TAFA5: variants seen among roughly 807,000 people sequenced by gnomAD.
TAFA5 encodes the protein chemokine-like protein TAFA-5.
A neutral mutation model predicts 15.3 loss-of-function variants in TAFA5; 6 were observed. The ratio of observed to expected loss-of-function variants is 0.39; its 90% CI spans 0.21 to 0.77. The LOEUF is 0.77. TAFA5 is among the 30% of genes least tolerant of loss of function. TAFA5 has a pLI of 0.41. For missense variants in TAFA5, 161 were observed against 193.1 expected (o/e 0.83, Z 0.98); for synonymous variants, 103 against 80.7 (o/e 1.28, Z -1.48).
At chr22:48,602,166 C>A (rs1255796653) in intron 1 of TAFA5, among the ~76,000 whole-genome samples, 1 of 152,212 alleles carries the variant, frequency 6.6e-6, no homozygotes, top group African/African-American at 2.4e-5. Context: ...CCTCAAGCCC[C>A]AGGCAGTGAA....
At chr22:48,748,584 C>G (rs1414964905) in intron 3 of TAFA5, among the ~76,000 whole-genome samples, 1 of 152,224 alleles carries the variant, frequency 6.6e-6, no homozygotes, top group African/African-American at 2.4e-5. Flanking sequence ...TCCCCTCACC[C>G]CTGAGCCTCA....
rs547614986 is a variant in TAFA5 at position 48,509,723 on chromosome 22, G to A, written c.112+20019G>A. Among the ~76,000 whole-genome samples the A allele has an allele frequency of 7.7e-3, 1,171 of 152,114 alleles. 16 individuals are homozygous for A. Among genetic ancestry groups the A allele is most frequent in the African/African-American group, 0.026 (1,097 of 41,484 alleles). On this transcript the variant is annotated intron_variant, in intron 1 of 3. Transcript: ENST00000402357. ...TCCCAGCACTTTGGGAGGCTGAGGC[G>A]GGCGGATCACGAGGTCAGAAGATCG...
chr22:48,672,991 C>T (rs563277311), intron 2 of TAFA5, among the ~76,000 whole-genome samples: 5 of 152,294 alleles, frequency 3.3e-5, no homozygotes, highest in African/African-American at 9.6e-5. Context: ...CAGTGTGGAA[C>T]AGACAAAAAC....
intron 2 of TAFA5, among the ~76,000 whole-genome samples, chr22:48,682,798 C>T (rs997262124): frequency 2.0e-5 from 3 of 152,026 alleles, no homozygotes; most frequent in South Asian, 2.1e-4. Context: ...GTGCTTTCGT[C>T]GGTTTTTTTT....
rs758029970 is a variant in TAFA5, at chr22:48,576,506, C to T, written c.113-70091C>T. The T allele has an allele frequency of 1.4e-5, 21 of 1,504,126 alleles. No individual in the cohort carries two copies. The African/African-American group carries it at 2.4e-4, about 17-fold the overall frequency. The allele number at this position is 1,504,126 out of a possible 1,614,324, so 93.2% of individuals were successfully genotyped here. On this transcript the variant is annotated intron_variant, in intron 1 of 3. Transcript: ENST00000402357. ...ATGCAGCTCCTGAAGGCGCTCTGGG[C>T]ACTGGCAGGGGCCGCGCTCTGCTGC...
intron 1 of TAFA5, among the ~76,000 whole-genome samples, chr22:48,525,531 G>T (rs1921751414): frequency 6.6e-6 from 1 of 152,190 alleles, no homozygotes; most frequent in African/African-American, 2.4e-5. Flanking sequence ...CTCTGCCCAG[G>T]TGGAGGCCCT....
chr22:48,577,190 C>G (rs577753685), intron 1 of TAFA5, among the ~76,000 whole-genome samples: 50 of 152,364 alleles, frequency 3.3e-4, no homozygotes, highest in African/African-American at 1.2e-3. Flanking sequence ...CAGTCTGGGA[C>G]TATTGAGGCG....
intron 1 of TAFA5, among the ~76,000 whole-genome samples, chr22:48,502,561 T>C (rs1485849208): frequency 4.7e-5 from 7 of 147,632 alleles, no homozygotes; most frequent in African/African-American, 1.8e-4. Context: ...CGACTCTGTC[T>C]CCCAGCCTGG....
rs140295404 is a variant in TAFA5 at position 48,609,528 on chromosome 22, C to G, written c.113-37069C>G. On this transcript the variant is annotated intron_variant, in intron 1 of 3. Coordinates refer to ENST00000402357, the MANE Select transcript of TAFA5 (RefSeq NM_001082967.3). ...AGTGGGGTTGGGCCTTGGACCTCGCCTCTGTCCACGCCTCTGTCCACTTCT... is the reference window on the plus strand; with the variant it reads ...AGTGGGGTTGGGCCTTGGACCTCGCGTCTGTCCACGCCTCTGTCCACTTCT... Among the ~76,000 whole-genome samples, 24 of 152,272 alleles carry G rather than the reference C, an allele frequency of 1.6e-4. No individual in the cohort carries two copies. In the East Asian group the frequency reaches 4.6e-3, roughly 29 times the overall value.
chr22:48,678,157 G>A (rs1928035294), intron 2 of TAFA5, among the ~76,000 whole-genome samples: 2 of 152,154 alleles, frequency 1.3e-5, no homozygotes, highest in African/African-American at 4.8e-5. Context: ...CTCTTTCCTG[G>A]GGCGGCTGCT....
At chr22:48,749,700 C>A in intron 3 of TAFA5, 139 bp from the exon 4 acceptor site, 1 of 882,900 alleles carries the variant, frequency 1.1e-6, no homozygotes, top group Non-Finnish European at 1.8e-6. Flanking sequence ...TCCCTCACAG[C>A]ACTGAGGATG....
chr22:48,740,546 G>A (rs1311110947), intron 3 of TAFA5, among the ~76,000 whole-genome samples: 1 of 152,334 alleles, frequency 6.6e-6, no homozygotes, highest in Admixed American at 6.5e-5. Flanking sequence ...GCCTCGTACT[G>A]TCTCCTTCCT....
chr22:48,576,686 C>T, intron 1 of TAFA5: 26 of 1,172,892 alleles, frequency 2.2e-5, no homozygotes, highest in Non-Finnish European at 2.8e-5. Flanking sequence ...GGCTGAGGCT[C>T]GTGGAGCGCC....
At chr22:48,732,011 G>C (rs550335024) in intron 3 of TAFA5, among the ~76,000 whole-genome samples, 10 of 152,172 alleles carry the variant, frequency 6.6e-5, no homozygotes, top group Non-Finnish European at 1.3e-4. Flanking sequence ...TTCATGGGAG[G>C]AGGTCAAAAT....
intron 3 of TAFA5, among the ~76,000 whole-genome samples, chr22:48,718,504 C>T (rs1402949689): frequency 6.6e-6 from 1 of 152,070 alleles, no homozygotes; most frequent in Non-Finnish European, 1.5e-5. Flanking sequence ...TGGGCGCCAT[C>T]CTCCCGTGCG....
At chr22:48,531,941 T>C (rs1921988710) in intron 1 of TAFA5, among the ~76,000 whole-genome samples, 1 of 152,188 alleles carries the variant, frequency 6.6e-6, no homozygotes, top group African/African-American at 2.4e-5. Context: ...CAGGACTTCA[T>C]GCCCAGCACA....
At chr22:48,704,577 C>T (rs1929020508) in intron 2 of TAFA5, among the ~76,000 whole-genome samples, 1 of 152,088 alleles carries the variant, frequency 6.6e-6, no homozygotes. Flanking sequence ...CTGGGAGCTG[C>T]AGCCTGGGTG....
chr22:48,546,608 A>G (rs745322209), intron 1 of TAFA5: 14 of 471,160 alleles, frequency 3.0e-5, no homozygotes, highest in South Asian at 2.2e-4. Context: ...GGAATCCTAA[A>G]AGGATCAAGA....
intron 2 of TAFA5, among the ~76,000 whole-genome samples, chr22:48,660,018 G>T (rs886665472): frequency 6.6e-6 from 1 of 152,352 alleles, no homozygotes; most frequent in East Asian, 1.9e-4. Context: ...CTCCGGGTGT[G>T]GGGCGGGGAC....
Sources: allele counts gnomAD v4.1 joint callset (sites outside exome capture counted in the v4.1 genomes callset), GRCh38; gene constraint gnomAD v4.1.1; transcripts MANE v1.5; gene names NCBI Gene and HGNC (gene_info 2026-07-23, HGNC 2026-07-21).